Variants in SYBU observed in about 807,000 individuals in gnomAD.
SYBU encodes syntabulin.
Under a neutral mutation model 35.9 loss-of-function variants are expected in SYBU, and 21 were observed. The ratio of observed to expected loss-of-function variants is 0.58; its 90% CI spans 0.41 to 0.84. The LOEUF (loss-of-function observed/expected upper bound fraction) is 0.84, where lower values mean the gene tolerates loss of function less well. Ranked by LOEUF, SYBU falls within the 40% of genes least tolerant of loss-of-function variation. The probability of loss-of-function intolerance (pLI) is 0.00; values close to 1 mark genes in which losing one functional copy is unlikely to be tolerated. For synonymous variants in SYBU, 319 were observed against 324.3 expected, an observed-to-expected ratio of 0.98 and a Z score of 0.18; for missense variants, 768 against 848.2, an observed-to-expected ratio of 0.91 and a Z score of 1.17.
At chr8:109,657,200 C>T (rs1016894954) in intron 1 of SYBU, among the ~76,000 whole-genome samples, 3 of 152,072 alleles carry the variant, frequency 2.0e-5, no homozygotes, top group African/African-American at 4.8e-5. Flanking sequence ...CTTTTCTTAA[C>T]GGTAGAAAAT....
At position 109,579,932 on chromosome 8, in the gene SYBU, C is replaced by G; in HGVS notation, c.601G>C (p.Glu201Gln). 1 of 1,613,804 alleles carries G rather than the reference C, an allele frequency of 6.2e-7. No individual in the cohort carries two copies. The change falls in exon 5 of 7, where the codon GAA becomes CAA. Residue 201 changes from glutamate to glutamine, a missense_variant. Glu to Gln is a conservative substitution (Grantham distance 29). Transcript: ENST00000276646. The stretch of plus-strand genomic sequence containing the variant: ...CACAGCATGGACAGAAGGTCCTTTT[C>G]CCGCGGGGATGATGGGCTGCTGCCA... ...KPGSSPSSPR[E>Q]KDLLSMLCRN...
intron 3 of SYBU, among the ~76,000 whole-genome samples, chr8:109,609,689 T>C (rs1230433664): frequency 6.6e-6 from 1 of 152,154 alleles, no homozygotes. Context: ...ACATGTGCCA[T>C]GGAGTTCAAG....
In SYBU at chr8:109,575,002, T is replaced by G. The variant is rs1822047425; in HGVS notation, c.1896A>C (p.Gly632=). The G allele has an allele frequency of 1.3e-6, 2 of 1,585,808 alleles. No individual in the cohort carries two copies. The highest frequency in any genetic ancestry group is 1.7e-6 in the Non-Finnish European group (2 of 1,164,624). ...CCCCGATGTTATACACAGGATCCGT[T>G]CCCCCTCTCTGAGTACTGAATGCCC... is the stretch of plus-strand genomic sequence containing the variant. ...VLWAFSTQRG[G]TDPVYNIGAL... is the part of the protein sequence containing the mutation. The change falls in exon 7 of 7, where the codon GGA becomes GGC. Residue 632 remains glycine (G), a synonymous_variant. Coordinates refer to ENST00000276646, the MANE Select transcript of SYBU (RefSeq NM_001099754.2).
At chr8:109,627,111 T>A (rs1181881706) in intron 2 of SYBU, among the ~76,000 whole-genome samples, 1 of 152,052 alleles carries the variant, frequency 6.6e-6, no homozygotes, top group Non-Finnish European at 1.5e-5. Context: ...AACATTCAGT[T>A]ATGGTTTGAT....
chr8:109,623,599 T>A (rs1219552522), intron 2 of SYBU, among the ~76,000 whole-genome samples: 1 of 152,194 alleles, frequency 6.6e-6, no homozygotes, highest in Non-Finnish European at 1.5e-5. Context: ...TAAATGTTGT[T>A]AAAAAATGAT....
chr8:109,677,234 C>T lies in SYBU; in HGVS notation c.-129+3477G>A, dbSNP rs573887379. 3.3e-5 allele frequency among the ~76,000 whole-genome samples: 5 copies of T among 152,212 alleles called. No homozygotes were observed. The East Asian group carries it at 9.6e-4, about 29-fold the overall frequency. On this transcript the variant is annotated intron_variant, in intron 1 of 5. Coordinates refer to the SYBU transcript ENST00000408889. ...TAAGATACTCTAAAAGTAATACATA[C>T]AAGTTAACCCCTGGTACCTTTTCAA...
chr8:109,642,444 T>A (rs1197091080), intron 2 of SYBU, among the ~76,000 whole-genome samples: 1 of 152,042 alleles, frequency 6.6e-6, no homozygotes, highest in Non-Finnish European at 1.5e-5. Context: ...TAAAGTATAA[T>A]AAAACAAAGG....
intron 2 of SYBU, among the ~76,000 whole-genome samples, chr8:109,620,584 T>C (rs1296807987): frequency 6.6e-6 from 1 of 152,200 alleles, no homozygotes. Context: ...ATAATCGTGT[T>C]TTGACTTTTT....
At chr8:109,638,174 A>G (rs1199967998) in intron 2 of SYBU, among the ~76,000 whole-genome samples, 1 of 152,210 alleles carries the variant, frequency 6.6e-6, no homozygotes, top group Non-Finnish European at 1.5e-5. Flanking sequence ...ACTAGCTTAA[A>G]AGCCAGCAAT....
At chr8:109,649,406 G>A (rs1377225375), upstream of SYBU, among the ~76,000 whole-genome samples, 2 of 152,154 alleles carry the variant, frequency 1.3e-5, no homozygotes, top group African/African-American at 2.4e-5. Context: ...TCCCCCAGGA[G>A]GTGGCATAGA....
chr8:109,575,495 A>G lies in SYBU; in HGVS notation c.1403T>C (p.Leu468Pro), dbSNP rs766771826. 2.5e-5 allele frequency: 41 copies of G among 1,614,046 alleles called. No individual in the cohort carries two copies. In the South Asian group the frequency reaches 3.4e-4, roughly 13 times the overall value. Residue 468 changes from leucine to proline, a missense_variant, in exon 7 of 7, where the codon CTG becomes CCG. Transcript: ENST00000276646. ...ACCCATGACTATGGGCAGCAGCTCC[A>G]GGACGTTAGCCCCAGGGGTGGAATG... ...LVHSTPGANVLELLPIVMGQE... is the reference protein window; with the variant it reads ...LVHSTPGANVPELLPIVMGQE...
intron 3 of SYBU, among the ~76,000 whole-genome samples, chr8:109,599,153 T>C (rs1423464360): frequency 6.6e-6 from 1 of 152,236 alleles, no homozygotes; most frequent in African/African-American, 2.4e-5. Flanking sequence ...CTCTATTCTG[T>C]ATCCCCCACC....
intron 3 of SYBU, chr8:109,608,154 C>A: frequency 2.0e-6 from 1 of 507,406 alleles, no homozygotes; most frequent in East Asian, 3.1e-5. Flanking sequence ...GGGAAGAGCA[C>A]AGGGCCTTCT....
intron 3 of SYBU, among the ~76,000 whole-genome samples, chr8:109,618,604 T>TA (rs1001425059): frequency 6.6e-6 from 1 of 152,148 alleles, no homozygotes; most frequent in African/African-American, 2.4e-5. Context: ...GTCTCTTTTT[T>TA]AAAAAAAGCT....
chr8:109,688,575 C>T (rs1817572126), intron 1 of SYBU, among the ~76,000 whole-genome samples: 2 of 152,100 alleles, frequency 1.3e-5, no homozygotes, highest in African/African-American at 4.8e-5. Flanking sequence ...TCAGATATTT[C>T]AAATAACTTA....
chr8:109,575,159 G>A lies in SYBU; in HGVS notation c.1739C>T (p.Ala580Val). The change falls in exon 7 of 7, where the codon GCA becomes GTA. Residue 580 changes from alanine to valine, a missense_variant. By Grantham distance (64) the Ala-to-Val change is moderately conservative. Coordinates refer to ENST00000276646, the MANE Select transcript of SYBU (RefSeq NM_001099754.2). ...ANRLMRELDF[A>V]ACVEERLDGV... ...ATCCAACCTCTCTTCCACGCAGGCT[G>A]CAAAATCCAGCTCTCTCATGAGGCG... 1 of 1,614,230 alleles carries A rather than the reference G, an allele frequency of 6.2e-7. No homozygotes were observed. The highest frequency in any genetic ancestry group is 8.5e-7 in the Non-Finnish European group (1 of 1,180,038).
chr8:109,578,588 A>G (rs1822637356), intron 5 of SYBU, among the ~76,000 whole-genome samples: 1 of 152,174 alleles, frequency 6.6e-6, no homozygotes. Flanking sequence ...TGAAGGGGGT[A>G]TTGGTGTATT....
chr8:109,666,139 T>TG (rs1409161160), intron 1 of SYBU, among the ~76,000 whole-genome samples: 1 of 152,234 alleles, frequency 6.6e-6, no homozygotes, highest in African/African-American at 2.4e-5. Flanking sequence ...CCATGGCAAC[T>TG]GCTGTGCTTC....
intron 4 of SYBU, among the ~76,000 whole-genome samples, chr8:109,581,699 G>A (rs1823048843): frequency 6.6e-6 from 1 of 152,188 alleles, no homozygotes; most frequent in Non-Finnish European, 1.5e-5. Context: ...ACATCTTAAT[G>A]AGAAATGTGT....
Sources: gnomAD v4.1 joint callset for allele counts (sites outside exome capture counted in the v4.1 genomes callset) on GRCh38, gnomAD v4.1.1 for gene constraint, MANE v1.5 for transcripts, NCBI Gene and HGNC (gene_info 2026-07-23, HGNC 2026-07-21) for gene names.